NALF1: variants seen among roughly 807,000 people sequenced by gnomAD.
The protein encoded by NALF1 is NALCN channel auxiliary factor 1.
A neutral mutation model predicts 48.4 loss-of-function variants in NALF1; 3 were observed. That is an observed-to-expected ratio of 0.06 (90% CI 0.03 to 0.16). The LOEUF is 0.16. Among genes scored for constraint, NALF1 ranks in the 10% least tolerant of loss-of-function variants. NALF1 has a pLI of 1.00. For missense variants in NALF1, 526 were observed against 571.5 expected (o/e 0.92, Z 0.81); for synonymous variants, 262 against 245.7 (o/e 1.07, Z -0.62).
chr13:107,477,928 G>A (rs1885197796), intron 1 of NALF1, among the ~76,000 whole-genome samples: 1 of 152,078 alleles, frequency 6.6e-6, no homozygotes, highest in Non-Finnish European at 1.5e-5. Context: ...GAGGGTAGAA[G>A]CCTAACTTCA....
chr13:107,443,173 T>TATCA (rs201673461), intron 1 of NALF1, among the ~76,000 whole-genome samples: 3,423 of 70,730 alleles, frequency 0.048, 57 homozygotes, highest in Non-Finnish European at 0.064. Flanking sequence ...TCTAACAATC[T>TATCA]ATCTATCTAT....
intron 1 of NALF1, among the ~76,000 whole-genome samples, chr13:107,416,964 C>G: frequency 6.6e-6 from 1 of 152,192 alleles, no homozygotes; most frequent in Non-Finnish European, 1.5e-5. Flanking sequence ...CTTCCCCTCT[C>G]CAGTGAGGGT....
intron 1 of NALF1, among the ~76,000 whole-genome samples, chr13:107,340,463 TTTC>T (rs1464935938): frequency 4.0e-5 from 4 of 100,604 alleles, no homozygotes; most frequent in African/African-American, 6.5e-5. Context: ...TCTTTCTTTC[TTTC>T]TTCTCTCTTT....
chr13:107,815,477 T>C (rs1879135870), intron 1 of NALF1, among the ~76,000 whole-genome samples: 1 of 152,068 alleles, frequency 6.6e-6, no homozygotes, highest in African/African-American at 2.4e-5. Context: ...TTCACACCAA[T>C]TAGGATGCCT....
intron 1 of NALF1, among the ~76,000 whole-genome samples, chr13:107,841,174 A>G (rs1478145361): frequency 6.6e-6 from 1 of 152,170 alleles, no homozygotes; most frequent in African/African-American, 2.4e-5. Flanking sequence ...AAATCATGCA[A>G]TTACACTTAT....
intron 1 of NALF1, among the ~76,000 whole-genome samples, chr13:107,807,253 T>C (rs1161881404): frequency 6.6e-6 from 1 of 152,188 alleles, no homozygotes; most frequent in Non-Finnish European, 1.5e-5. Context: ...AGATATAATA[T>C]GCACAACTAA....
At chr13:107,822,660 A>T (rs1879393147) in intron 1 of NALF1, among the ~76,000 whole-genome samples, 1 of 152,196 alleles carries the variant, frequency 6.6e-6, no homozygotes, top group African/African-American at 2.4e-5. Flanking sequence ...AAGTGCTGAG[A>T]TCCTTCTTTT....
intron 1 of NALF1, among the ~76,000 whole-genome samples, chr13:107,479,669 T>C (rs959143428): frequency 6.6e-6 from 1 of 152,158 alleles, no homozygotes; most frequent in African/African-American, 2.4e-5. Context: ...GGAGCTAATG[T>C]CTTTTGTCTA....
At chr13:107,799,213 C>T (rs1434972256) in intron 1 of NALF1, among the ~76,000 whole-genome samples, 1 of 152,154 alleles carries the variant, frequency 6.6e-6, no homozygotes. Flanking sequence ...ATTTTAACAG[C>T]TCTGTAGGGA....
intron 1 of NALF1, among the ~76,000 whole-genome samples, chr13:107,553,302 C>G (rs1358083047): frequency 6.6e-6 from 1 of 152,122 alleles, no homozygotes; most frequent in Non-Finnish European, 1.5e-5. Flanking sequence ...TTTGTTATGT[C>G]TTGAGCAACT....
At chr13:107,623,088 T>A (rs916929280) in intron 1 of NALF1, among the ~76,000 whole-genome samples, 5 of 152,192 alleles carry the variant, frequency 3.3e-5, no homozygotes, top group African/African-American at 1.2e-4. Flanking sequence ...CCAAACTTTA[T>A]TATAATGGTG....
At chr13:107,457,112 TCTTA>T (rs1477627486) in intron 1 of NALF1, among the ~76,000 whole-genome samples, 1 of 152,194 alleles carries the variant, frequency 6.6e-6, no homozygotes, top group Non-Finnish European at 1.5e-5. Context: ...TTTCTTACTT[TCTTA>T]CTTAGCTTTT....
intron 1 of NALF1, among the ~76,000 whole-genome samples, chr13:107,217,151 C>T (rs1054774205): frequency 6.6e-6 from 1 of 152,128 alleles, no homozygotes; most frequent in Non-Finnish European, 1.5e-5. Context: ...ATGATTTGGC[C>T]TCAGCTCGAA....
chr13:107,626,188 G>A (rs902513919), intron 1 of NALF1, among the ~76,000 whole-genome samples: 14 of 151,804 alleles, frequency 9.2e-5, no homozygotes, highest in East Asian at 3.9e-4. Context: ...TCATAATCAC[G>A]TACACTCTAT....
intron 1 of NALF1, among the ~76,000 whole-genome samples, chr13:107,792,864 C>T (rs1270339682): frequency 1.3e-5 from 2 of 152,054 alleles, no homozygotes; most frequent in African/African-American, 2.4e-5. Flanking sequence ...GGCAGGAGTG[C>T]AGTGACAAAA....
intron 1 of NALF1, among the ~76,000 whole-genome samples, chr13:107,434,918 C>A (rs752751101): frequency 3.9e-5 from 6 of 152,132 alleles, no homozygotes; most frequent in African/African-American, 7.2e-5. Context: ...ACAGTGACAT[C>A]CCCTGGCTAT....
At chr13:107,189,396 T>C (rs899887932) in intron 2 of NALF1, among the ~76,000 whole-genome samples, 2 of 152,128 alleles carry the variant, frequency 1.3e-5, no homozygotes, top group Admixed American at 6.5e-5. Context: ...GACAAAGAAA[T>C]GTACACTCAC....
intron 1 of NALF1, among the ~76,000 whole-genome samples, chr13:107,427,915 A>C (rs1055080978): frequency 2.0e-5 from 3 of 152,240 alleles, no homozygotes; most frequent in African/African-American, 7.2e-5. Context: ...ATTCAATTTC[A>C]CAAGCATGTA....
At chr13:107,498,645 G>A (rs1454986791) in intron 1 of NALF1, among the ~76,000 whole-genome samples, 1 of 152,100 alleles carries the variant, frequency 6.6e-6, no homozygotes, top group Admixed American at 6.6e-5. Flanking sequence ...AGGAATTCCT[G>A]GCAAATGAGA....
Sources: gnomAD v4.1 joint callset for allele counts (sites outside exome capture counted in the v4.1 genomes callset) on GRCh38, gnomAD v4.1.1 for gene constraint, MANE v1.5 for transcripts, NCBI Gene and HGNC (gene_info 2026-07-23, HGNC 2026-07-21) for gene names.